The following HS2ST1 variants were observed in gnomAD, a reference collection of about 807,000 sequenced individuals.
The protein encoded by HS2ST1 is 2-O-sulfotransferase.
In HS2ST1, 18 loss-of-function variants were observed where a neutral mutation model predicts 42.9. The observed-to-expected ratio is 0.42, with a 90% CI of 0.29 to 0.62. The LOEUF is 0.62. Ranked by LOEUF, HS2ST1 falls within the 20% of genes least tolerant of loss-of-function variation. The probability of loss-of-function intolerance (pLI) is 0.21; values close to 1 mark genes in which losing one functional copy is unlikely to be tolerated. For missense variants in HS2ST1, 334 were observed against 433.8 expected (o/e 0.77, Z 2.04); for synonymous variants, 146 against 152.9 (o/e 0.95, Z 0.33).
intron 1 of HS2ST1, among the ~76,000 whole-genome samples, chr1:86,969,597 G>A (rs1231220625): frequency 6.6e-6 from 1 of 152,106 alleles, no homozygotes; most frequent in Admixed American, 6.6e-5. Flanking sequence ...ATCATATGAA[G>A]TAGAAGAGTT....
chr1:87,051,416 A>G (rs1014438581), intron 1 of HS2ST1, among the ~76,000 whole-genome samples: 1 of 152,216 alleles, frequency 6.6e-6, no homozygotes. Flanking sequence ...TCATAATTTT[A>G]TTTCTGGCAT....
intron 1 of HS2ST1, chr1:87,045,887 T>C (rs1650644458): frequency 5.7e-6 from 4 of 701,278 alleles, no homozygotes; most frequent in Middle Eastern, 2.5e-4. Flanking sequence ...TGTGAGCTCC[T>C]TAAGAACCTT....
intron 2 of HS2ST1, among the ~76,000 whole-genome samples, chr1:87,075,355 C>T (rs1464803805): frequency 6.6e-6 from 1 of 151,874 alleles, no homozygotes; most frequent in African/African-American, 2.4e-5. Flanking sequence ...TTAGTAGAGA[C>T]AGAGTCTCAC....
At chr1:87,038,052 A>ATAGTTTTT (rs1352297781) in intron 1 of HS2ST1, among the ~76,000 whole-genome samples, 13 of 152,070 alleles carry the variant, frequency 8.5e-5, no homozygotes, top group African/African-American at 3.1e-4. Context: ...ACTTTAACCA[A>ATAGTTTTT]TAGTTTTTTA....
At chr1:86,951,903 C>G (rs1292296952) in intron 1 of HS2ST1, among the ~76,000 whole-genome samples, 5 of 152,176 alleles carry the variant, frequency 3.3e-5, no homozygotes, top group Non-Finnish European at 7.3e-5. Context: ...CTTTGCTCGT[C>G]CCTAAGAAGC....
At chr1:86,940,455 T>C (rs1347803213) in intron 1 of HS2ST1, among the ~76,000 whole-genome samples, 1 of 152,142 alleles carries the variant, frequency 6.6e-6, no homozygotes, top group Non-Finnish European at 1.5e-5. Flanking sequence ...TTTGAATATT[T>C]AGTTACTATT....
chr1:86,949,305 C>T (rs1404548866), intron 1 of HS2ST1, among the ~76,000 whole-genome samples: 3 of 152,158 alleles, frequency 2.0e-5, no homozygotes, highest in Non-Finnish European at 2.9e-5. Flanking sequence ...GGCAGGGTTT[C>T]GCCATGTTGG....
chr1:87,067,885 T>C (rs931530187), intron 1 of HS2ST1, among the ~76,000 whole-genome samples: 2 of 152,144 alleles, frequency 1.3e-5, no homozygotes, highest in African/African-American at 2.4e-5. Flanking sequence ...TCTAGATGTG[T>C]GGTGTTATTT....
intron 1 of HS2ST1, among the ~76,000 whole-genome samples, chr1:86,948,834 T>C (rs1647417508): frequency 6.6e-6 from 1 of 152,180 alleles, no homozygotes; most frequent in Non-Finnish European, 1.5e-5. Context: ...TTTTTCTAAA[T>C]GTACTTTGTT....
chr1:87,015,596 AGCCTCCCAAAGT>A (rs2100582642), intron 1 of HS2ST1, among the ~76,000 whole-genome samples: 1 of 146,692 alleles, frequency 6.8e-6, no homozygotes, highest in South Asian at 2.2e-4. Context: ...TGCCCGCCTC[AGCCTCCCAAAGT>A]GCTGGGATTA....
intron 1 of HS2ST1, among the ~76,000 whole-genome samples, chr1:87,015,443 G>T (rs1649725749): frequency 6.6e-6 from 1 of 151,198 alleles, no homozygotes; most frequent in South Asian, 2.1e-4. Flanking sequence ...TGCTTCCCAG[G>T]TTCACACCAT....
chr1:87,017,237 A>G (rs1443386805), intron 1 of HS2ST1, among the ~76,000 whole-genome samples: 1 of 152,080 alleles, frequency 6.6e-6, no homozygotes, highest in Non-Finnish European at 1.5e-5. Flanking sequence ...CCCAGGTTCA[A>G]GCGATTCTCC....
chr1:87,046,632 C>A (rs752288292), intron 1 of HS2ST1: 24 of 1,556,918 alleles, frequency 1.5e-5, no homozygotes, highest in African/African-American at 1.2e-4. Context: ...GGAGAAGAAA[C>A]GAATGCATCA....
intron 1 of HS2ST1, among the ~76,000 whole-genome samples, chr1:86,917,419 T>C (rs969874091): frequency 4.0e-5 from 6 of 151,528 alleles, no homozygotes; most frequent in Admixed American, 3.9e-4. Context: ...CTCAGGAGGC[T>C]AAGGCATGAG....
intron 1 of HS2ST1, among the ~76,000 whole-genome samples, chr1:87,004,321 G>A (rs1649373234): frequency 6.6e-6 from 1 of 152,108 alleles, no homozygotes; most frequent in South Asian, 2.1e-4. Flanking sequence ...AACCTGGGAG[G>A]TGGAGGTTGC....
rs116531164 is a variant in HS2ST1 at position 86,995,986 on chromosome 1, C to G, written c.125-76948C>G. 6.9e-3 allele frequency among the ~76,000 whole-genome samples: 1,050 copies of G among 151,992 alleles called. 7 individuals are homozygous for G. Among genetic ancestry groups the G allele is most frequent in the Non-Finnish European group, 8.7e-3 (591 of 67,972 alleles). ...AAATGAGGTATTAAATTACCTAGATCAACATATTGGATAAAATATATAATA... is the reference window on the plus strand; with the variant it reads ...AAATGAGGTATTAAATTACCTAGATGAACATATTGGATAAAATATATAATA... On this transcript the variant is annotated intron_variant, in intron 1 of 6. Coordinates refer to ENST00000370550, the MANE Select transcript of HS2ST1 (RefSeq NM_012262.4).
intron 1 of HS2ST1, among the ~76,000 whole-genome samples, chr1:87,063,892 T>G (rs1409895447): frequency 6.6e-6 from 1 of 152,244 alleles, no homozygotes; most frequent in African/African-American, 2.4e-5. Flanking sequence ...TGAGCATTTT[T>G]GTATTATAAG....
At chr1:86,954,942 G>GA (rs896022348) in intron 1 of HS2ST1, among the ~76,000 whole-genome samples, 2 of 151,918 alleles carry the variant, frequency 1.3e-5, no homozygotes, top group Non-Finnish European at 2.9e-5. Context: ...ACAAAAAATA[G>GA]AAAAAATTAG....
At chr1:86,968,909 A>G (rs917966036) in intron 1 of HS2ST1, among the ~76,000 whole-genome samples, 2 of 152,208 alleles carry the variant, frequency 1.3e-5, no homozygotes, top group Non-Finnish European at 2.9e-5. Flanking sequence ...GAGACATAAG[A>G]TGAATCATTA....
Sources: gnomAD v4.1 joint callset for allele counts (sites outside exome capture counted in the v4.1 genomes callset) on GRCh38, gnomAD v4.1.1 for gene constraint, MANE v1.5 for transcripts, NCBI Gene and HGNC (gene_info 2026-07-23, HGNC 2026-07-21) for gene names.